The following NISCH variants were observed in gnomAD, a reference collection of about 807,000 sequenced individuals.
The protein encoded by NISCH is nischarin.
A neutral mutation model predicts 138.4 loss-of-function variants in NISCH; 55 were observed. The ratio of observed to expected loss-of-function variants is 0.40; its 90% CI spans 0.32 to 0.50. The LOEUF is 0.50. NISCH is among the 20% of genes least tolerant of loss of function. NISCH has a pLI of 0.71. For missense variants in NISCH, 1,643 were observed against 2,005.5 expected (o/e 0.82, Z 3.45); for synonymous variants, 860 against 861.5 (o/e 1.00, Z 0.03).
Position 52,489,318 on chromosome 3 carries a change from G to A in NISCH, c.3114-18G>A, listed in dbSNP as rs756088553. On this transcript the variant is annotated intron_variant, in intron 16 of 20. Transcript: ENST00000345716. The stretch of plus-strand genomic sequence containing the variant: ...ATTTGGGGTCCGCTGTTAATATGGT[G>A]TTTTTCGGGGGATACAGCAATGACC... The A allele has an allele frequency of 6.2e-6, 10 of 1,602,432 alleles. No homozygotes were observed. The highest frequency in any genetic ancestry group is 1.3e-5 in the African/African-American group (1 of 74,468).
Position 52,492,141 on chromosome 3 carries a change from C to T in NISCH, c.4174C>T (p.Leu1392=), listed in dbSNP as rs1707585301. The T allele has an allele frequency of 3.7e-6, 6 of 1,613,134 alleles. No homozygotes were observed. The highest frequency in any genetic ancestry group is 5.1e-6 in the Non-Finnish European group (6 of 1,180,042). ...LLDEDCVHYP[L]PEFAKEPPQR... ...GGATGAGGACTGTGTCCACTACCCA[C>T]TGCCCGAGTTTGCCAAAGAGCCGCC... is the stretch of plus-strand genomic sequence containing the variant. The change falls in exon 21 of 21, where the codon CTG becomes TTG. Residue 1392 remains leucine (L), a synonymous_variant. Transcript: ENST00000345716.
At chr3:52,481,994 G>A (rs966281087) in intron 13 of NISCH, 29 of 881,234 alleles carry the variant, frequency 3.3e-5, no homozygotes, top group South Asian at 5.2e-5. Context: ...CGCTCTATCC[G>A]CTGAGTGCCC....
chr3:52,481,644 G>C, intron 13 of NISCH: 6 of 985,670 alleles, frequency 6.1e-6, no homozygotes, highest in Non-Finnish European at 7.2e-6. Context: ...CTGTTGATCA[G>C]TGAGTGAGTG....
At position 52,487,234 on chromosome 3, in the gene NISCH, G is replaced by T; in HGVS notation, c.1742G>T (p.Gly581Val). ...GAGCCGGAGGTCCAGGTGGTGCCGGGGTCTGGCCAGATCATCTTCCTGCCC... is the reference window on the plus strand; with the variant it reads ...GAGCCGGAGGTCCAGGTGGTGCCGGTGTCTGGCCAGATCATCTTCCTGCCC... ...HAEPEVQVVP[G>V]SGQIIFLPFT... Residue 581 changes from glycine (G) to valine (V), a missense_variant, in exon 16 of 21, where the codon GGG (glycine) becomes GTG (valine). Gly to Val is a moderately radical substitution (Grantham distance 109, BLOSUM62 -3). Transcript: ENST00000345716. This position sits in a 1 kb window ranked among gnomAD's most constrained non-coding sequence, Gnocchi z 9.1. 2 of 1,614,138 alleles carry T rather than the reference G, an allele frequency of 1.2e-6. No individual in the cohort carries two copies. The highest frequency in any genetic ancestry group is 1.1e-5 in the South Asian group (1 of 91,086).
At chr3:52,477,518 C>T in intron 8 of NISCH, 56 bp from the exon 9 acceptor site, 2 of 1,478,004 alleles carry the variant, frequency 1.4e-6, no homozygotes, top group Non-Finnish European at 1.9e-6. Context: ...GTGTCGGGGA[C>T]CGTGTTTGGG....
chr3:52,476,697 C>T, intron 8 of NISCH, 98 bp downstream of exon 8: 1 of 1,240,372 alleles, frequency 8.1e-7, no homozygotes, highest in Non-Finnish European at 1.2e-6. Context: ...CCACGGAAAA[C>T]CTATATCTAG....
intron 8 of NISCH, among the ~76,000 whole-genome samples, chr3:52,477,106 T>C (rs1335452202): frequency 6.6e-6 from 1 of 152,174 alleles, no homozygotes; most frequent in Non-Finnish European, 1.5e-5. Flanking sequence ...AACATAATAA[T>C]TTCATGTAAA....
chr3:52,490,230 G>A lies in NISCH; in HGVS notation c.3612G>A (p.Gln1204=), dbSNP rs1707525753. The change falls in exon 18 of 21, where the codon CAG becomes CAA. Residue 1204 remains glutamine (Q), a splice_region_variant and synonymous_variant. Coordinates refer to ENST00000345716, the MANE Select transcript of NISCH (RefSeq NM_007184.4). ...GCCGCTACTTCTCAGAGCCACTGCA[G>A]GGTAGGCACAGGGCCTGCTGGGGCT... ...GLRRYFSEPL[Q]DFWHQKNTDY... 6.2e-7 allele frequency: 1 copy of A among 1,612,090 alleles called. No individual in the cohort carries two copies. The highest frequency in any genetic ancestry group is 8.5e-7 in the Non-Finnish European group (1 of 1,179,950).
intron 1 of NISCH, among the ~76,000 whole-genome samples, chr3:52,456,293 A>C (rs1229665161): frequency 2.6e-5 from 4 of 151,792 alleles, no homozygotes; most frequent in Non-Finnish European, 5.9e-5. Context: ...GGCGGAGACA[A>C]GACCGGAGGA....
intron 11 of NISCH, 84 bp from the exon 12 acceptor site, chr3:52,479,665 C>T (rs1340050696): frequency 8.2e-6 from 8 of 970,320 alleles, no homozygotes; most frequent in African/African-American, 1.6e-5. Context: ...GCTCACCAGT[C>T]CCCATGCTGA....
intron 9 of NISCH, chr3:52,477,892 C>A: frequency 1.5e-6 from 1 of 645,558 alleles, no homozygotes; most frequent in Non-Finnish European, 2.7e-6. Flanking sequence ...ATGTTTTCAA[C>A]GCCCACCCCA....
At chr3:52,467,079 C>A (rs1352489177) in intron 3 of NISCH, among the ~76,000 whole-genome samples, 2 of 147,654 alleles carry the variant, frequency 1.4e-5, no homozygotes, top group Non-Finnish European at 1.5e-5. Context: ...CGGCTCACTG[C>A]AACCTCCACC....
chr3:52,480,098 C>T (rs1302164439), intron 12 of NISCH, 86 bp from the exon 13 acceptor site: 16 of 1,462,590 alleles, frequency 1.1e-5, no homozygotes, highest in Non-Finnish European at 1.2e-5. Flanking sequence ...TGGTGGGAAC[C>T]GTTGCGCTCC....
intron 13 of NISCH, chr3:52,480,919 G>A (rs918576238): frequency 1.8e-5 from 28 of 1,533,982 alleles, no homozygotes; most frequent in Non-Finnish European, 2.3e-5. Context: ...TCTCATGAGC[G>A]TGTCTGCTGG....
At chr3:52,470,824 G>A in intron 3 of NISCH, 35 bp from the exon 4 acceptor site, 1 of 1,606,116 alleles carries the variant, frequency 6.2e-7, no homozygotes. Context: ...GGGGTCAGGT[G>A]GACTTTCTAA....
chr3:52,462,192 A>G (rs1706654158), intron 3 of NISCH, among the ~76,000 whole-genome samples: 1 of 152,236 alleles, frequency 6.6e-6, no homozygotes, highest in South Asian at 2.1e-4. Context: ...AAATCCTAGG[A>G]TTTAAAAAAG....
chr3:52,471,038 A>T (rs1706931647), intron 4 of NISCH, 131 bp downstream of exon 4: 2 of 857,894 alleles, frequency 2.3e-6, no homozygotes, highest in Non-Finnish European at 3.9e-6. Flanking sequence ...AGGTCTGAGG[A>T]GCTGTGGTCC....
At chr3:52,485,161 G>C (rs1707373028) in intron 14 of NISCH, among the ~76,000 whole-genome samples, 1 of 152,198 alleles carries the variant, frequency 6.6e-6, no homozygotes, top group African/African-American at 2.4e-5. Flanking sequence ...CCTGAGGAAA[G>C]ACAGGAGGAA....
At chr3:52,457,140 C>G (rs1706497615) in intron 1 of NISCH, among the ~76,000 whole-genome samples, 1 of 152,188 alleles carries the variant, frequency 6.6e-6, no homozygotes, top group South Asian at 2.1e-4. Context: ...GGAACTAAGG[C>G]TCAGAGAGAA....
Sources: gnomAD v4.1 joint callset for allele counts (sites outside exome capture counted in the v4.1 genomes callset) on GRCh38, gnomAD v4.1.1 for gene constraint, Gnocchi (gnomAD v3.1) non-coding constraint, MANE v1.5 for transcripts, NCBI Gene and HGNC (gene_info 2026-07-23, HGNC 2026-07-21) for gene names.